PEMT: variants seen among roughly 807,000 people sequenced by gnomAD.
PEMT encodes phosphatidylethanolamine N-methyltransferase.
In PEMT, 23 loss-of-function variants were observed where a neutral mutation model predicts 27.4. That is an observed-to-expected ratio of 0.84 (90% CI 0.60 to 1.19). The LOEUF is 1.19. PEMT is among the 50% of genes most tolerant of loss of function. The probability of loss-of-function intolerance (pLI) is 0.00; values close to 1 mark genes in which losing one functional copy is unlikely to be tolerated. For missense variants in PEMT, 307 were observed against 310.1 expected (o/e 0.99, Z 0.07); for synonymous variants, 137 against 139.1 (o/e 0.98, Z 0.11).
At chr17:17,555,558 C>T (rs1278410532) in intron 2 of PEMT, among the ~76,000 whole-genome samples, 3 of 152,240 alleles carry the variant, frequency 2.0e-5, no homozygotes, top group Non-Finnish European at 4.4e-5. Context: ...GCAGCATTCA[C>T]ACCTGAGTGA....
chr17:17,560,083 T>C (rs1328457396), intron 2 of PEMT, among the ~76,000 whole-genome samples: 1 of 152,250 alleles, frequency 6.6e-6, no homozygotes, highest in East Asian at 1.9e-4. Flanking sequence ...CCCGGTGACC[T>C]GGCTGGGGCA....
chr17:17,523,716 C>T lies in PEMT; in HGVS notation c.205-1321G>A, dbSNP rs907526479. 7.9e-5 allele frequency among the ~76,000 whole-genome samples: 12 copies of T among 151,830 alleles called. No homozygotes were observed. Among genetic ancestry groups the T allele is most frequent in the East Asian group, 3.9e-4 (2 of 5,162 alleles). The stretch of plus-strand genomic sequence containing the variant: ...GGGGTGAGGAGGGGGCTGCGGTGAC[C>T]TTGCTGGGAATGTGTGGGGTGGGGT... On this transcript the variant is annotated intron_variant, in intron 2 of 6. Coordinates refer to ENST00000255389, the MANE Select transcript of PEMT (RefSeq NM_148172.3). The surrounding 1 kb of genome is among the most constrained non-coding windows in gnomAD (Gnocchi z 4.8).
At chr17:17,505,967 C>A in intron 6 of PEMT, 119 bp from the exon 7 acceptor site, 1 of 1,402,974 alleles carries the variant, frequency 7.1e-7, no homozygotes, top group South Asian at 1.5e-5. Context: ...TCCCCTTCAT[C>A]CCCCAGAGCC....
chr17:17,550,887 CCA>C (rs762183854), intron 2 of PEMT, among the ~76,000 whole-genome samples: 25 of 152,318 alleles, frequency 1.6e-4, no homozygotes, highest in Non-Finnish European at 3.1e-4. Context: ...CACACAAACT[CCA>C]CACAGGCAGT....
chr17:17,552,230 T>C (rs1909703859), intron 2 of PEMT, among the ~76,000 whole-genome samples: 2 of 151,926 alleles, frequency 1.3e-5, no homozygotes, highest in South Asian at 4.2e-4. Context: ...GAGAATTGCT[T>C]GAACCCAGGA....
chr17:17,566,988 C>T (rs953081411), intron 2 of PEMT, among the ~76,000 whole-genome samples: 2 of 152,256 alleles, frequency 1.3e-5, no homozygotes, highest in Admixed American at 6.5e-5. Context: ...CCCAGGGCCG[C>T]ACGCTGCCTT....
intron 3 of PEMT, among the ~76,000 whole-genome samples, chr17:17,516,832 A>G (rs1374069811): frequency 1.3e-5 from 2 of 152,006 alleles, no homozygotes; most frequent in African/African-American, 4.8e-5. Flanking sequence ...TCCCTGTCCT[A>G]AGTGTCCCCC....
In PEMT at chr17:17,582,625, C is replaced by T. The variant is rs928687922; in HGVS notation, c.97-5598G>A. ...CCTGCAGAATCTGCCTGCAGCGCTG[C>T]AGCCCCCACTGCCCCCAGAGCTGCC... On this transcript the variant is annotated intron_variant, in intron 1 of 6. Coordinates refer to ENST00000255389, the MANE Select transcript of PEMT (RefSeq NM_148172.3). The surrounding 1 kb of genome is among the most constrained non-coding windows in gnomAD (Gnocchi z 4.9). 1.1e-4 allele frequency among the ~76,000 whole-genome samples: 16 copies of T among 152,250 alleles called. No homozygotes were observed. Among genetic ancestry groups the T allele is most frequent in the African/African-American group, 3.4e-4 (14 of 41,456 alleles).
chr17:17,545,645 G>T (rs796340478), intron 2 of PEMT, among the ~76,000 whole-genome samples: 39 of 152,304 alleles, frequency 2.6e-4, no homozygotes, highest in African/African-American at 8.2e-4. Flanking sequence ...ATTCATTCAT[G>T]CCATTCCAGA....
chr17:17,583,008 G>A (rs1403249219), intron 1 of PEMT, among the ~76,000 whole-genome samples: 1 of 151,678 alleles, frequency 6.6e-6, no homozygotes, highest in Non-Finnish European at 1.5e-5. Context: ...GTTGCAGTGA[G>A]CCGAGATCAT....
intron 2 of PEMT, among the ~76,000 whole-genome samples, chr17:17,575,911 A>G (rs1372004016): frequency 1.3e-5 from 2 of 152,200 alleles, no homozygotes; most frequent in African/African-American, 4.8e-5. Context: ...TCAAGTCATA[A>G]ACTAAATGAA....
intron 1 of PEMT, among the ~76,000 whole-genome samples, chr17:17,584,524 C>G (rs1002852475): frequency 6.6e-6 from 1 of 152,006 alleles, no homozygotes; most frequent in Non-Finnish European, 1.5e-5. Context: ...CCAGTTTGGT[C>G]TGGAACTCCT....
At chr17:17,583,205 C>G (rs12325817) in intron 1 of PEMT, among the ~76,000 whole-genome samples, 50,862 of 151,868 alleles carry the variant, frequency 0.33, 10,028 homozygotes, top group Middle Eastern at 0.46. Flanking sequence ...GGTGACACTC[C>G]GTCTCTACTA....
intron 2 of PEMT, among the ~76,000 whole-genome samples, chr17:17,571,794 G>A (rs963546957): frequency 6.6e-6 from 1 of 150,586 alleles, no homozygotes; most frequent in African/African-American, 2.4e-5. Flanking sequence ...TGGCAGCCTC[G>A]ACCCCCAGAG....
intron 1 of PEMT, among the ~76,000 whole-genome samples, chr17:17,579,129 C>G (rs1911822508): frequency 6.6e-6 from 1 of 152,182 alleles, no homozygotes; most frequent in African/African-American, 2.4e-5. Context: ...GGTCAGCCAG[C>G]CCTGGGGGGC....
intron 1 of PEMT, among the ~76,000 whole-genome samples, chr17:17,580,762 A>G (rs1046517167): frequency 7.2e-5 from 11 of 151,844 alleles, no homozygotes; most frequent in African/African-American, 2.7e-4. Flanking sequence ...CATTCCCATT[A>G]CCAATCCTCC....
chr17:17,560,300 C>T (rs1413975214), intron 2 of PEMT, among the ~76,000 whole-genome samples: 2 of 152,154 alleles, frequency 1.3e-5, no homozygotes, highest in East Asian at 1.9e-4. Context: ...CCGAGCTGCC[C>T]GCCTGGGAGG....
chr17:17,524,251 C>A (rs1907506173), intron 2 of PEMT, among the ~76,000 whole-genome samples: 1 of 152,098 alleles, frequency 6.6e-6, no homozygotes, highest in Non-Finnish European at 1.5e-5. Context: ...ACAATCGTGC[C>A]CAAGTGTTTT....
chr17:17,532,904 G>A (rs929807223), intron 2 of PEMT, among the ~76,000 whole-genome samples: 16 of 152,202 alleles, frequency 1.1e-4, no homozygotes, highest in South Asian at 2.1e-4. Context: ...GTGGGCATAC[G>A]TAATCCCAGC....
Sources: gnomAD v4.1 joint callset for allele counts (sites outside exome capture counted in the v4.1 genomes callset) on GRCh38, gnomAD v4.1.1 for gene constraint, Gnocchi (gnomAD v3.1) non-coding constraint, MANE v1.5 for transcripts, NCBI Gene and HGNC (gene_info 2026-07-23, HGNC 2026-07-21) for gene names.